SLC4A4: variants seen among roughly 807,000 people sequenced by gnomAD.
The protein encoded by SLC4A4 is solute carrier family 4 member 4.
A neutral mutation model predicts 111.5 loss-of-function variants in SLC4A4; 27 were observed. The ratio of observed to expected loss-of-function variants is 0.24; its 90% CI spans 0.18 to 0.33. The LOEUF (loss-of-function observed/expected upper bound fraction) is 0.33, where lower values mean the gene tolerates loss of function less well. Among genes scored for constraint, SLC4A4 ranks in the 10% least tolerant of loss-of-function variants. The pLI, the probability that SLC4A4 is intolerant of heterozygous loss-of-function variation, is 1.00. For synonymous variants in SLC4A4, 443 were observed against 463.4 expected, an observed-to-expected ratio of 0.96 and a Z score of 0.57; for missense variants, 909 against 1,315.5, an observed-to-expected ratio of 0.69 and a Z score of 4.78.
chr4:71,390,302 A>G (rs751492399), intron 6 of SLC4A4, among the ~76,000 whole-genome samples: 1 of 152,202 alleles, frequency 6.6e-6, no homozygotes, highest in Non-Finnish European at 1.5e-5. Context: ...TGAAATGGGA[A>G]GAAATTAGAA....
chr4:71,442,013 A>G (rs1577913061), intron 8 of SLC4A4, among the ~76,000 whole-genome samples: 1 of 152,156 alleles, frequency 6.6e-6, no homozygotes, highest in Admixed American at 6.5e-5. Flanking sequence ...TAATGGCTGG[A>G]GTCCAGCTCT....
At chr4:71,493,753 C>CTG (rs1560558732) in intron 15 of SLC4A4, among the ~76,000 whole-genome samples, 32 of 150,954 alleles carry the variant, frequency 2.1e-4, no homozygotes, top group African/African-American at 7.3e-5. Flanking sequence ...TTTCATCCCC[C>CTG]TAACCAGATT....
In SLC4A4 at chr4:71,201,550, A is replaced by G. The variant is rs190591717; in HGVS notation, c.-2+14149A>G. 2.0e-5 allele frequency among the ~76,000 whole-genome samples: 3 copies of G among 152,244 alleles called. 1 individual carries two copies. The highest frequency in any genetic ancestry group is 7.2e-5 in the African/African-American group (3 of 41,548). ...CTGTGCTTCCAAGTTCTTTATCCCA[A>G]CCTTCTTTAATTCCTAGAGTTTAAG... On this transcript the variant is annotated intron_variant, in intron 1 of 25. Transcript: ENST00000264485.
At chr4:71,474,964 A>G (rs1451954148) in intron 14 of SLC4A4, among the ~76,000 whole-genome samples, 1 of 151,800 alleles carries the variant, frequency 6.6e-6, no homozygotes, top group Non-Finnish European at 1.5e-5. Context: ...TTCCTAGGAA[A>G]GAAGGGGGAT....
At chr4:71,087,592 C>G (rs1742223538) in intron 1 of SLC4A4, among the ~76,000 whole-genome samples, 1 of 152,036 alleles carries the variant, frequency 6.6e-6, no homozygotes, top group African/African-American at 2.4e-5. Flanking sequence ...CCCAGAGATT[C>G]TGGTATGTTG....
chr4:71,173,683 C>A (rs1049893114), intron 2 of SLC4A4, among the ~76,000 whole-genome samples: 4 of 152,164 alleles, frequency 2.6e-5, no homozygotes, highest in African/African-American at 9.7e-5. Flanking sequence ...CTATCCCCAA[C>A]AATTATCTAA....
At chr4:71,182,430 C>T (rs765479934), upstream of SLC4A4, among the ~76,000 whole-genome samples, 5 of 152,000 alleles carry the variant, frequency 3.3e-5, no homozygotes, top group Admixed American at 6.5e-5. Flanking sequence ...GTGCTGTGGT[C>T]TCCAAGATAG....
chr4:71,535,266 A>C (rs760474673), intron 18 of SLC4A4, among the ~76,000 whole-genome samples: 3 of 152,182 alleles, frequency 2.0e-5, no homozygotes, highest in Non-Finnish European at 2.9e-5. Flanking sequence ...AGTTCAACAC[A>C]GTAGGTATAG....
At chr4:71,292,362 TG>T (rs1724424000) in intron 3 of SLC4A4, among the ~76,000 whole-genome samples, 1 of 152,210 alleles carries the variant, frequency 6.6e-6, no homozygotes, top group African/African-American at 2.4e-5. Context: ...ATAGCAAAAC[TG>T]TACTTAGCCC....
chr4:71,142,857 G>C (rs139787066), intron 2 of SLC4A4, among the ~76,000 whole-genome samples: 1 of 146,072 alleles, frequency 6.8e-6, no homozygotes, highest in Non-Finnish European at 1.5e-5. Flanking sequence ...CTAGGCATGC[G>C]CAAACTGGCC....
At chr4:71,151,086 T>G (rs2148971909) in intron 2 of SLC4A4, among the ~76,000 whole-genome samples, 1 of 152,346 alleles carries the variant, frequency 6.6e-6, no homozygotes, top group East Asian at 1.9e-4. Context: ...AAATTAAAAT[T>G]TCAGTGCTTT....
At chr4:71,139,666 C>T (rs888194514) in intron 2 of SLC4A4, among the ~76,000 whole-genome samples, 12 of 152,196 alleles carry the variant, frequency 7.9e-5, no homozygotes, top group African/African-American at 2.7e-4. Flanking sequence ...TGGCCATTCA[C>T]TTGCTAATCT....
chr4:71,371,389 G>A (rs1029197647), intron 6 of SLC4A4, among the ~76,000 whole-genome samples: 2 of 151,496 alleles, frequency 1.3e-5, no homozygotes, highest in Non-Finnish European at 2.9e-5. Context: ...GATTACAGGC[G>A]CCCACCACCA....
Position 71,357,026 on chromosome 4 carries a change from A to C in SLC4A4, c.569A>C (p.Gln190Pro). ...GTACCAGAGATGATTGTTGACCATCAGATTGAGACAGGCCTATTGAAACCT... is the reference window on the plus strand; with the variant it reads ...GTACCAGAGATGATTGTTGACCATCCGATTGAGACAGGCCTATTGAAACCT... ...PQLVEMIVDHQIETGLLKPEL... is the reference protein window; with the variant it reads ...PQLVEMIVDHPIETGLLKPEL... The change falls in exon 6 of 26, where the codon CAG becomes CCG. Residue 190 changes from glutamine (Q) to proline (P), a missense_variant. By Grantham distance (76) the Gln-to-Pro change is moderately conservative. This residue lies in a region of SLC4A4 where 312 missense variants were observed against 402.0 expected (regional missense o/e 0.78). Coordinates refer to ENST00000264485, the MANE Select transcript of SLC4A4 (RefSeq NM_001098484.3). The C allele has an allele frequency of 1.2e-6, 2 of 1,613,946 alleles. No individual in the cohort carries two copies. The highest frequency in any genetic ancestry group is 8.5e-7 in the Non-Finnish European group (1 of 1,179,908).
rs1730546726 is a variant in SLC4A4, at chr4:71,497,754, T to TAATACAA, written c.2166+62_2166+63insAATACAA. The TAATACAA allele has an allele frequency of 1.6e-5, 23 of 1,429,502 alleles. No homozygotes were observed. In the South Asian group the frequency reaches 2.3e-4, roughly 14 times the overall value. 88.6% of individuals were successfully genotyped at this position (1,429,502 alleles called of 1,614,324 possible). A position where few individuals can be genotyped will look rare whatever the true frequency, so the allele number is the denominator to read the frequency against. On this transcript the variant is annotated intron_variant, in intron 16 of 25. Transcript: ENST00000264485. The stretch of plus-strand genomic sequence containing the variant: ...TACACTGTATCAACAATAATACAAC[T>TAATACAA]TTACAAGGTGAAAAAGGCACCTGTA...
intron 23 of SLC4A4, among the ~76,000 whole-genome samples, chr4:71,560,729 T>C (rs1187121811): frequency 6.6e-6 from 1 of 151,846 alleles, no homozygotes; most frequent in Middle Eastern, 3.2e-3. Context: ...TCTATGCTGT[T>C]ATATTAATAT....
chr4:71,561,722 C>T (rs1034850934), intron 23 of SLC4A4, among the ~76,000 whole-genome samples: 4 of 151,724 alleles, frequency 2.6e-5, no homozygotes, highest in Non-Finnish European at 4.4e-5. Context: ...GAGACTAAGA[C>T]GTAATAGTCC....
At chr4:71,160,604 G>A (rs1215187661) in intron 2 of SLC4A4, among the ~76,000 whole-genome samples, 2 of 151,768 alleles carry the variant, frequency 1.3e-5, no homozygotes, top group African/African-American at 4.8e-5. Flanking sequence ...GAGTTGAGGA[G>A]GGTATTATGA....
intron 2 of SLC4A4, among the ~76,000 whole-genome samples, chr4:71,121,034 C>T (rs1049648630): frequency 5.9e-5 from 9 of 152,194 alleles, no homozygotes; most frequent in South Asian, 2.1e-4. Context: ...GGCAGGCTGG[C>T]GCCGCCGGCC....
Sources: gnomAD v4.1 joint callset for allele counts (sites outside exome capture counted in the v4.1 genomes callset) on GRCh38, gnomAD v4.1.1 for gene constraint, gnomAD v4.1.1 regional missense constraint, MANE v1.5 for transcripts, NCBI Gene and HGNC (gene_info 2026-07-23, HGNC 2026-07-21) for gene names.